Variants in HDAC9 observed in about 807,000 individuals in gnomAD.
HDAC9 encodes the protein MEF-2 interacting transcription repressor (MITR) protein.
In HDAC9, 41 loss-of-function variants were observed where a neutral mutation model predicts 139.4. That is an observed-to-expected ratio of 0.29 (90% confidence interval 0.23 to 0.38). HDAC9 has a LOEUF of 0.38. HDAC9 is among the 10% of genes least tolerant of loss of function. The pLI is 1.00. For synonymous variants in HDAC9, 517 were observed against 476.2 expected (o/e 1.09, Z -1.12); for missense variants, 1,147 against 1,297.0 (o/e 0.88, Z 1.78).
intron 1 of HDAC9, among the ~76,000 whole-genome samples, chr7:18,299,134 G>A (rs901047235): frequency 2.6e-5 from 4 of 151,554 alleles, no homozygotes; most frequent in Non-Finnish European, 5.9e-5. Context: ...TTGTAAAGTG[G>A]TACATTTAAT....
chr7:18,577,647 C>T (rs1319001913), intron 2 of HDAC9, among the ~76,000 whole-genome samples: 2 of 151,980 alleles, frequency 1.3e-5, no homozygotes, highest in African/African-American at 4.8e-5. Flanking sequence ...ATTTTTATTT[C>T]CATTGTATTT....
intron 2 of HDAC9, among the ~76,000 whole-genome samples, chr7:18,177,294 C>G (rs917965322): frequency 6.6e-6 from 1 of 152,184 alleles, no homozygotes; most frequent in Non-Finnish European, 1.5e-5. Context: ...GGATCTGTGT[C>G]TGAGCTTCCT....
chr7:18,642,412 C>T (rs1298041358), intron 8 of HDAC9, among the ~76,000 whole-genome samples: 1 of 152,094 alleles, frequency 6.6e-6, no homozygotes, highest in Non-Finnish European at 1.5e-5. Flanking sequence ...GAGTCATACT[C>T]CCTGTAGCAG....
At chr7:18,377,812 A>G (rs1785109133) in intron 1 of HDAC9, among the ~76,000 whole-genome samples, 1 of 152,216 alleles carries the variant, frequency 6.6e-6, no homozygotes. Context: ...GCATTAAAAA[A>G]ATCTGCAGTT....
intron 2 of HDAC9, among the ~76,000 whole-genome samples, chr7:18,572,525 C>T (rs867127322): frequency 1.4e-4 from 21 of 151,978 alleles, no homozygotes; most frequent in Middle Eastern, 6.8e-3. Flanking sequence ...CCATCTTCCT[C>T]GTAGTTCCTT....
chr7:18,794,344 T>G (rs905708059), intron 17 of HDAC9, among the ~76,000 whole-genome samples: 1 of 152,188 alleles, frequency 6.6e-6, no homozygotes, highest in African/African-American at 2.4e-5. Context: ...TTAGGATTAC[T>G]TTTCTTTATG....
chr7:18,227,552 A>G (rs887024515), intron 2 of HDAC9, among the ~76,000 whole-genome samples: 6 of 152,114 alleles, frequency 3.9e-5, no homozygotes, highest in Non-Finnish European at 8.8e-5. Context: ...TCAAAAGATA[A>G]TAATTTGTTA....
At position 18,980,673 on chromosome 7, in the gene HDAC9, GTTCTTGTTCTTCTTGTTCTTCTTCC is replaced by G. The variant is rs1289725493; in HGVS notation, c.3170+4726_3170+4750del. Among the ~76,000 whole-genome samples, 40 of 86,790 alleles carry G rather than the reference GTTCTTGTTCTTCTTGTTCTTCTTCC, an allele frequency of 4.6e-4. No individual in the cohort carries two copies. The East Asian group carries it at 6.8e-3, about 15-fold the overall frequency. The allele number at this position is 86,790 out of a possible 152,430, so 56.9% of individuals were successfully genotyped here. On this transcript the variant is annotated intron_variant, in intron 25 of 25. Coordinates refer to ENST00000686413, the MANE Select transcript of HDAC9 (RefSeq NM_178425.4). ...TGTTACACTTTTTCTTGTTCTTCTT[GTTCTTGTTCTTCTTGTTCTTCTTCC>G]TTCTTCTTCCTTCTTCCTCTTCTTC...
intron 1 of HDAC9, among the ~76,000 whole-genome samples, chr7:18,410,947 T>G (rs929943906): frequency 2.6e-5 from 4 of 152,238 alleles, no homozygotes; most frequent in African/African-American, 9.6e-5. Context: ...AAAAATAGCC[T>G]TATAGAATTA....
intron 23 of HDAC9, 108 bp from the exon 24 acceptor site, chr7:18,954,038 G>C: frequency 2.8e-6 from 2 of 723,590 alleles, no homozygotes; most frequent in Non-Finnish European, 4.7e-6. Flanking sequence ...ACTAGTTCTC[G>C]GAGCAAGCTT....
chr7:18,990,688 G>A lies in HDAC9; in HGVS notation c.3171-5335G>A, dbSNP rs537588495. ...AGTTTGATCTCAGACTGCTGAGCTA[G>A]CAGTCAGCGAGATTCTGTGGGCGTA... On this transcript the variant is annotated intron_variant, in intron 25 of 25. Coordinates refer to ENST00000686413, the MANE Select transcript of HDAC9 (RefSeq NM_178425.4). Among the ~76,000 whole-genome samples, 3 of 152,376 alleles carry A rather than the reference G, an allele frequency of 2.0e-5. 1 individual carries two copies. Among genetic ancestry groups the A allele is most frequent in the African/African-American group, 7.2e-5 (3 of 41,590 alleles).
intron 2 of HDAC9, among the ~76,000 whole-genome samples, chr7:18,250,221 A>C (rs1434479358): frequency 6.6e-6 from 1 of 152,242 alleles, no homozygotes; most frequent in Non-Finnish European, 1.5e-5. Context: ...CAGAAGAGCA[A>C]ACAGCATTGG....
intron 1 of HDAC9, among the ~76,000 whole-genome samples, chr7:18,137,523 G>A (rs1382291816): frequency 6.6e-6 from 1 of 151,970 alleles, no homozygotes; most frequent in East Asian, 1.9e-4. Context: ...AAGGGTTGTT[G>A]AATTTTGTCA....
intron 1 of HDAC9, among the ~76,000 whole-genome samples, chr7:18,107,725 T>A (rs986043045): frequency 5.3e-5 from 8 of 152,196 alleles, no homozygotes; most frequent in Non-Finnish European, 1.5e-5. Context: ...TAAAACAGCT[T>A]TTCTTTTTCA....
chr7:18,435,272 G>T (rs1791082279), intron 1 of HDAC9, among the ~76,000 whole-genome samples: 1 of 151,902 alleles, frequency 6.6e-6, no homozygotes, highest in Admixed American at 6.6e-5. Flanking sequence ...AGGTAAGTGG[G>T]AGAGTGAGGA....
At chr7:18,557,093 A>G (rs758135162) in intron 2 of HDAC9, among the ~76,000 whole-genome samples, 1 of 151,998 alleles carries the variant, frequency 6.6e-6, no homozygotes, top group African/African-American at 2.4e-5. Context: ...TCTCATTTGT[A>G]TTTTAGCTAT....
chr7:18,780,926 G>T (rs887181869), intron 16 of HDAC9, among the ~76,000 whole-genome samples: 2 of 151,964 alleles, frequency 1.3e-5, no homozygotes, highest in African/African-American at 4.8e-5. Flanking sequence ...GCTAGCTAGG[G>T]CTGTCATAAC....
At chr7:18,318,398 A>G (rs900098861) in intron 1 of HDAC9, among the ~76,000 whole-genome samples, 4 of 152,190 alleles carry the variant, frequency 2.6e-5, no homozygotes, top group African/African-American at 9.6e-5. Context: ...TGTTTTCAAT[A>G]ACAAATGGAA....
chr7:18,150,678 A>G (rs1028798235), intron 1 of HDAC9, among the ~76,000 whole-genome samples: 2 of 152,168 alleles, frequency 1.3e-5, no homozygotes, highest in Non-Finnish European at 2.9e-5. Flanking sequence ...CTGGGTATTC[A>G]TCCACATCAC....
Sources: gnomAD v4.1 joint callset for allele counts (sites outside exome capture counted in the v4.1 genomes callset) on GRCh38, gnomAD v4.1.1 for gene constraint, MANE v1.5 for transcripts, NCBI Gene and HGNC (gene_info 2026-07-23, HGNC 2026-07-21) for gene names.